The following ITFG1 variants were observed in gnomAD, a reference collection of about 807,000 sequenced individuals.
The protein encoded by ITFG1 is T-cell immunomodulatory protein.
A neutral mutation model predicts 81.8 loss-of-function variants in ITFG1; 34 were observed. The ratio of observed to expected loss-of-function variants is 0.42; its 90% CI spans 0.32 to 0.55. The LOEUF is 0.55. ITFG1 is among the 20% of genes least tolerant of loss of function. The pLI, the probability that ITFG1 is intolerant of heterozygous loss-of-function variation, is 0.17. For missense variants in ITFG1, 672 were observed against 755.4 expected (o/e 0.89, Z 1.29); for synonymous variants, 285 against 270.6 (o/e 1.05, Z -0.52).
At chr16:47,364,929 C>G (rs1267518480) in intron 8 of ITFG1, among the ~76,000 whole-genome samples, 2 of 152,234 alleles carry the variant, frequency 1.3e-5, no homozygotes. Context: ...TGAGCTCAAA[C>G]AGTCCTACCA....
intron 12 of ITFG1, among the ~76,000 whole-genome samples, chr16:47,256,844 G>C (rs1241946758): frequency 6.6e-6 from 1 of 152,180 alleles, no homozygotes; most frequent in African/African-American, 2.4e-5. Context: ...TTTCAAAACT[G>C]TAATAAATAT....
chr16:47,162,104 A>G (rs1258883293), intron 15 of ITFG1, among the ~76,000 whole-genome samples: 1 of 152,174 alleles, frequency 6.6e-6, no homozygotes, highest in African/African-American at 2.4e-5. Context: ...GCACTGTTCA[A>G]AGGGCTATGT....
intron 8 of ITFG1, among the ~76,000 whole-genome samples, chr16:47,349,276 A>G (rs1330132443): frequency 6.6e-6 from 1 of 152,200 alleles, no homozygotes; most frequent in Non-Finnish European, 1.5e-5. Flanking sequence ...AAATTGGATA[A>G]AGAGTCAGAC....
chr16:47,374,550 A>C (rs1371968083), intron 7 of ITFG1, among the ~76,000 whole-genome samples: 1 of 152,060 alleles, frequency 6.6e-6, no homozygotes, highest in Non-Finnish European at 1.5e-5. Context: ...TACACCTCTC[A>C]TTTTCTAATA....
At position 47,185,305 on chromosome 16, in the gene ITFG1, C is replaced by T. The variant is rs188079796; in HGVS notation, c.1454-22641G>A. ...AATAGACAGCTACAGAACTCTCCACCCCAAATCAACAGAATATACATTTTT... is the reference window on the plus strand; with the variant it reads ...AATAGACAGCTACAGAACTCTCCACTCCAAATCAACAGAATATACATTTTT... On this transcript the variant is annotated intron_variant, in intron 14 of 17. Transcript: ENST00000320640. Among the ~76,000 whole-genome samples, 250 of 152,302 alleles carry T rather than the reference C, an allele frequency of 1.6e-3. 2 individuals are homozygous for T. The highest frequency in any genetic ancestry group is 5.6e-3 in the African/African-American group (231 of 41,552).
At chr16:47,293,799 C>T (rs1966945509) in intron 10 of ITFG1, among the ~76,000 whole-genome samples, 1 of 151,928 alleles carries the variant, frequency 6.6e-6, no homozygotes, top group Admixed American at 6.6e-5. Context: ...AAAATATTTT[C>T]TCCCATTTTG....
At chr16:47,419,040 T>TCCATGAGCATGAGA (rs1968908245) in intron 6 of ITFG1, among the ~76,000 whole-genome samples, 1 of 152,240 alleles carries the variant, frequency 6.6e-6, no homozygotes, top group African/African-American at 2.4e-5. Flanking sequence ...ATATCTATTT[T>TCCATGAGCATGAGA]TAATCTACTA....
chr16:47,452,627 G>A, intron 4 of ITFG1, 106 bp downstream of exon 4: 1 of 701,528 alleles, frequency 1.4e-6, no homozygotes, highest in South Asian at 1.8e-5. Context: ...ACAGGCCTCT[G>A]AGTGAATTTA....
chr16:47,293,430 A>G (rs568118962), intron 10 of ITFG1, among the ~76,000 whole-genome samples: 2 of 152,026 alleles, frequency 1.3e-5, no homozygotes, highest in South Asian at 4.1e-4. Flanking sequence ...GAAGTCTCCA[A>G]ACTGATTTCT....
At chr16:47,155,850 C>T in intron 17 of ITFG1, 72 bp from the exon 18 acceptor site, 1 of 1,063,236 alleles carries the variant, frequency 9.4e-7, no homozygotes, top group Non-Finnish European at 1.4e-6. Context: ...CTGAAATACA[C>T]AGTGATTCAT....
chr16:47,355,115 C>T (rs1301237060), intron 8 of ITFG1, among the ~76,000 whole-genome samples: 1 of 151,804 alleles, frequency 6.6e-6, no homozygotes, highest in Non-Finnish European at 1.5e-5. Context: ...GCACTATTCA[C>T]AATAGCCAAG....
At chr16:47,380,234 T>G (rs1488817254) in intron 6 of ITFG1, among the ~76,000 whole-genome samples, 1 of 152,078 alleles carries the variant, frequency 6.6e-6, no homozygotes. Context: ...AGGGAACATC[T>G]AGGTTGATGA....
At chr16:47,416,886 G>C (rs1968882275) in intron 6 of ITFG1, among the ~76,000 whole-genome samples, 1 of 152,202 alleles carries the variant, frequency 6.6e-6, no homozygotes, top group African/African-American at 2.4e-5. Context: ...ACAATGAGAA[G>C]TGTATACCAT....
At chr16:47,172,826 T>C (rs1046252288) in intron 14 of ITFG1, among the ~76,000 whole-genome samples, 13 of 152,220 alleles carry the variant, frequency 8.5e-5, no homozygotes, top group South Asian at 6.2e-4. Flanking sequence ...TAGCTTCTAG[T>C]TGGTCTCATT....
intron 10 of ITFG1, among the ~76,000 whole-genome samples, chr16:47,270,093 G>GA (rs2151545659): frequency 1.3e-5 from 2 of 152,244 alleles, no homozygotes; most frequent in East Asian, 3.9e-4. Context: ...ATGGATCACA[G>GA]ACCTAAATTG....
At chr16:47,344,977 C>T (rs575292272) in intron 8 of ITFG1, among the ~76,000 whole-genome samples, 37 of 152,296 alleles carry the variant, frequency 2.4e-4, no homozygotes, top group Admixed American at 5.2e-4. Flanking sequence ...TGTTGATGGA[C>T]ATTTAGCCAG....
chr16:47,302,282 G>T (rs552777668), intron 10 of ITFG1, among the ~76,000 whole-genome samples: 1 of 151,956 alleles, frequency 6.6e-6, no homozygotes, highest in Non-Finnish European at 1.5e-5. Context: ...AGAGAAATTT[G>T]TCTTTTAAAA....
intron 12 of ITFG1, among the ~76,000 whole-genome samples, chr16:47,246,929 G>T (rs889352263): frequency 1.3e-5 from 2 of 151,966 alleles, no homozygotes; most frequent in Non-Finnish European, 2.9e-5. Flanking sequence ...CAAGTAGCTG[G>T]GATTACAGGC....
At chr16:47,434,392 T>G (rs577630645) in intron 5 of ITFG1, among the ~76,000 whole-genome samples, 1 of 147,434 alleles carries the variant, frequency 6.8e-6, no homozygotes, top group Non-Finnish European at 1.5e-5. Flanking sequence ...GGGCAAAGAA[T>G]GTGAACAGAT....
Sources: allele counts gnomAD v4.1 joint callset (sites outside exome capture counted in the v4.1 genomes callset), GRCh38; gene constraint gnomAD v4.1.1; transcripts MANE v1.5; gene names NCBI Gene and HGNC (gene_info 2026-07-23, HGNC 2026-07-21).